Variants in CREB1 observed in about 807,000 individuals in gnomAD.
CREB1 encodes cAMP responsive element binding protein 1.
CREB1 carries 2 observed loss-of-function variants against 42.0 expected under a neutral mutation model. That is an observed-to-expected ratio of 0.05 (90% CI 0.02 to 0.15). CREB1 has a LOEUF of 0.15. CREB1 is among the 10% of genes least tolerant of loss of function. CREB1 has a pLI of 1.00. For missense variants in CREB1, 199 were observed against 388.9 expected, an observed-to-expected ratio of 0.51 and a Z score of 4.11; for synonymous variants, 123 against 139.9, an observed-to-expected ratio of 0.88 and a Z score of 0.85.
intron 7 of CREB1, chr2:207,581,041 C>T: frequency 4.6e-6 from 1 of 216,308 alleles, no homozygotes; most frequent in Non-Finnish European, 9.3e-6. Context: ...GTAATACAAT[C>T]TATCACCTTT....
At chr2:207,577,478 T>G (rs760479164) in intron 6 of CREB1, 27 bp from the exon 7 acceptor site, 3 of 1,612,372 alleles carry the variant, frequency 1.9e-6, no homozygotes, top group Non-Finnish European at 2.5e-6. Flanking sequence ...TGTTTCTGTC[T>G]TACACCATGC....
intron 2 of CREB1, among the ~76,000 whole-genome samples, 157 bp downstream of exon 2, chr2:207,555,906 A>T (rs185037581): frequency 6.6e-6 from 1 of 152,326 alleles, no homozygotes. Context: ...GTATATTTAG[A>T]AATGATAGTA....
chr2:207,582,562 G>T (rs577512421), intron 7 of CREB1, among the ~76,000 whole-genome samples: 1 of 152,112 alleles, frequency 6.6e-6, no homozygotes, highest in East Asian at 1.9e-4. Flanking sequence ...CTTTTGACAT[G>T]CCCCATTTTT....
At chr2:207,576,715 T>A in intron 6 of CREB1, 1 of 1,226,736 alleles carries the variant, frequency 8.2e-7, no homozygotes, top group Non-Finnish European at 1.0e-6. Flanking sequence ...AGTATATAAA[T>A]CTTTTCCACT....
At position 207,562,200 on chromosome 2, in the gene CREB1, T is replaced by C. The variant is rs1034965604; in HGVS notation, c.261+1828T>C. On this transcript the variant is annotated intron_variant, in intron 3 of 7. Coordinates refer to ENST00000353267, the MANE Select transcript of CREB1 (RefSeq NM_004379.5). The stretch of plus-strand genomic sequence containing the variant: ...CTCCTCTTAGTAATAGTGAGAAAAC[T>C]TGATTTGCTAGTGAGGAGACCTAGA... Among the ~76,000 whole-genome samples the C allele has an allele frequency of 2.6e-5, 4 of 152,288 alleles. No individual in the cohort carries two copies. The South Asian group carries it at 8.3e-4, about 32-fold the overall frequency.
chr2:207,530,596 C>T (rs1317608845), intron 1 of CREB1, among the ~76,000 whole-genome samples: 1 of 147,828 alleles, frequency 6.8e-6, no homozygotes, highest in Admixed American at 6.7e-5. Context: ...CCCCGCCGCC[C>T]GCCTCGCCCC....
chr2:207,580,481 A>C (rs1437923769), intron 7 of CREB1: 1 of 216,082 alleles, frequency 4.6e-6, no homozygotes, highest in Non-Finnish European at 9.3e-6. Flanking sequence ...CAGAGTCTCC[A>C]TATTTGGTTT....
At chr2:207,570,472 C>A in intron 5 of CREB1, 151 bp downstream of exon 5, 1 of 693,604 alleles carries the variant, frequency 1.4e-6, no homozygotes, top group Non-Finnish European at 2.3e-6. Flanking sequence ...CTTCACTATG[C>A]AAAGGTCTGT....
chr2:207,548,884 AGCTT>A (rs1436676123), intron 1 of CREB1, among the ~76,000 whole-genome samples: 3 of 152,224 alleles, frequency 2.0e-5, no homozygotes, highest in Non-Finnish European at 2.9e-5. Context: ...CAAATTTTCA[AGCTT>A]GCTTTTATTT....
intron 7 of CREB1, among the ~76,000 whole-genome samples, chr2:207,585,336 C>T (rs965846597): frequency 6.6e-6 from 1 of 152,138 alleles, no homozygotes; most frequent in African/African-American, 2.4e-5. Flanking sequence ...CCATTGATGA[C>T]AGTAAAAGAA....
chr2:207,600,751 G>A lies in CREB1; in HGVS notation c.*3693G>A, dbSNP rs1185060619. Reference sequence around the variant, plus strand: ...AGTCAGGCAGCCTATCCCATCAGATGTCATCTGGCTGAAGTTTATCTCTGT... The same window carrying A: ...AGTCAGGCAGCCTATCCCATCAGATATCATCTGGCTGAAGTTTATCTCTGT... On this transcript the variant is annotated 3_prime_UTR_variant, in exon 8 of 8. Coordinates refer to ENST00000353267, the MANE Select transcript of CREB1 (RefSeq NM_004379.5). 3.8e-5 allele frequency: 8 copies of A among 210,530 alleles called. No homozygotes were observed. The highest frequency in any genetic ancestry group is 2.3e-5 in the African/African-American group (1 of 44,048). The allele number at this position is 210,530 out of a possible 1,614,324, so 13.0% of individuals were successfully genotyped here.
intron 4 of CREB1, among the ~76,000 whole-genome samples, chr2:207,569,328 T>C (rs2082261120): frequency 6.6e-6 from 1 of 152,210 alleles, no homozygotes. Context: ...CCATATTTCC[T>C]TAAATATCAA....
intron 3 of CREB1, among the ~76,000 whole-genome samples, chr2:207,567,141 A>G (rs1163035128): frequency 6.6e-6 from 1 of 152,180 alleles, no homozygotes; most frequent in African/African-American, 2.4e-5. Flanking sequence ...CCTTTATATC[A>G]GAAACCTTAT....
chr2:207,533,754 C>T (rs1366673345), intron 1 of CREB1, among the ~76,000 whole-genome samples: 1 of 151,832 alleles, frequency 6.6e-6, no homozygotes, highest in Non-Finnish European at 1.5e-5. Flanking sequence ...TGCAGTATCA[C>T]TTGAGACAGC....
At chr2:207,578,605 C>T (rs2082684019) in intron 7 of CREB1, among the ~76,000 whole-genome samples, 1 of 152,152 alleles carries the variant, frequency 6.6e-6, no homozygotes, top group African/African-American at 2.4e-5. Context: ...TTTGAAAGCA[C>T]TTTGTAACTG....
At chr2:207,536,549 C>CT (rs563572452) in intron 1 of CREB1, among the ~76,000 whole-genome samples, 217 of 152,252 alleles carry the variant, frequency 1.4e-3, no homozygotes, top group African/African-American at 4.9e-3. Flanking sequence ...GAGCGAAACT[C>CT]TGTCTTAAGA....
At chr2:207,532,172 T>A (rs938427189) in intron 1 of CREB1, among the ~76,000 whole-genome samples, 2 of 151,062 alleles carry the variant, frequency 1.3e-5, no homozygotes, top group Non-Finnish European at 2.9e-5. Flanking sequence ...CTGGCCAACA[T>A]GATGAAACCC....
intron 3 of CREB1, among the ~76,000 whole-genome samples, chr2:207,560,932 T>C (rs2081934389): frequency 6.6e-6 from 1 of 152,198 alleles, no homozygotes; most frequent in Non-Finnish European, 1.5e-5. Flanking sequence ...GGAGAGATCT[T>C]TCCTTTGGGT....
intron 1 of CREB1, among the ~76,000 whole-genome samples, chr2:207,536,830 A>C (rs1360823006): frequency 6.6e-6 from 1 of 151,758 alleles, no homozygotes; most frequent in Non-Finnish European, 1.5e-5. Context: ...TCTCTACTAA[A>C]AATAGAAGAA....
Sources: allele counts gnomAD v4.1 joint callset (sites outside exome capture counted in the v4.1 genomes callset), GRCh38; gene constraint gnomAD v4.1.1; transcripts MANE v1.5; gene names NCBI Gene and HGNC (gene_info 2026-07-23, HGNC 2026-07-21).